The following SNX27 variants were observed in gnomAD, a reference collection of about 807,000 sequenced individuals.
SNX27 encodes the protein sorting nexin 27, also known as sorting nexin-27.
SNX27 carries 22 observed loss-of-function variants against 71.6 expected under a neutral mutation model. The observed-to-expected ratio is 0.31, with a 90% CI of 0.22 to 0.44. The LOEUF is 0.44. SNX27 is among the 20% of genes least tolerant of loss of function. SNX27 has a pLI of 1.00. For synonymous variants in SNX27, 269 were observed against 277.2 expected (o/e 0.97, Z 0.29); for missense variants, 531 against 698.6 (o/e 0.76, Z 2.70).
At chr1:151,648,368 A>G (rs1669156389) in intron 2 of SNX27, among the ~76,000 whole-genome samples, 1 of 149,420 alleles carries the variant, frequency 6.7e-6, no homozygotes, top group South Asian at 2.1e-4. Flanking sequence ...TAAAGAGATT[A>G]AACATGAGAA....
intron 11 of SNX27, chr1:151,694,138 C>T: frequency 7.7e-7 from 1 of 1,297,644 alleles, no homozygotes; most frequent in Non-Finnish European, 9.8e-7. Flanking sequence ...ATCAGCCTCC[C>T]TAGCTTTCAG....
chr1:151,641,845 AGATATATATATCAGCTATAGATATATAT>A (rs1241538213), intron 2 of SNX27, among the ~76,000 whole-genome samples: 2 of 140,276 alleles, frequency 1.4e-5, no homozygotes, highest in South Asian at 4.4e-4. Context: ...GATATATATG[AGATATATATATCAGCTATAGATATATAT>A]GATATATATA....
chr1:151,619,452 A>G (rs1667571942), intron 1 of SNX27, among the ~76,000 whole-genome samples: 2 of 152,184 alleles, frequency 1.3e-5, no homozygotes, highest in African/African-American at 4.8e-5. Flanking sequence ...GGCGTATGCC[A>G]CCATGCCCAG....
At chr1:151,641,461 G>A (rs1668714582) in intron 2 of SNX27, among the ~76,000 whole-genome samples, 1 of 151,376 alleles carries the variant, frequency 6.6e-6, no homozygotes, top group Admixed American at 6.6e-5. Flanking sequence ...GCTGCTTTTT[G>A]TGTGCTTAAT....
intron 6 of SNX27, chr1:151,666,263 T>A: frequency 6.4e-6 from 2 of 311,814 alleles, no homozygotes; most frequent in Non-Finnish European, 5.8e-6. Flanking sequence ...CTTTTAAATC[T>A]GAGGTTCAAA....
At chr1:151,631,991 G>A (rs1293253340) in intron 1 of SNX27, among the ~76,000 whole-genome samples, 1 of 152,130 alleles carries the variant, frequency 6.6e-6, no homozygotes, top group Non-Finnish European at 1.5e-5. Context: ...AATCTAACAA[G>A]TGAAATCTAG....
intron 7 of SNX27, chr1:151,676,296 TTTTTTTTTTTTTTTTTTTTTTTTTTTTG>T (rs1670698738): frequency 1.0e-4 from 4 of 38,184 alleles, no homozygotes; most frequent in African/African-American, 3.2e-4. Context: ...TTTTTTTTTT[TTTTTTTTTTTTTTTTTTTTTTTTTTTTG>T]AGACAGAGTC....
At position 151,698,150 on chromosome 1, in the gene SNX27, G is replaced by C. The variant is rs1381670429; in HGVS notation, c.*3733G>C. 6.6e-6 allele frequency: 1 copy of C among 152,532 alleles called. No homozygotes were observed. Among genetic ancestry groups the C allele is most frequent in the African/African-American group, 2.4e-5 (1 of 41,398 alleles). 9.4% of individuals were successfully genotyped at this position (152,532 alleles called of 1,614,324 possible). ...TAGATAAATATTCCAACATCCTCAT[G>C]CCTGGCCCATTTAGTTTCATCCTTT... On this transcript the variant is annotated 3_prime_UTR_variant, in exon 12 of 12. Transcript: ENST00000458013.
intron 1 of SNX27, among the ~76,000 whole-genome samples, chr1:151,620,016 T>C (rs1395046749): frequency 6.6e-6 from 1 of 152,160 alleles, no homozygotes; most frequent in African/African-American, 2.4e-5. Context: ...CATACAAGGC[T>C]TTTAAACTGG....
intron 2 of SNX27, among the ~76,000 whole-genome samples, chr1:151,651,491 GGTT>G (rs1199182815): frequency 4.0e-5 from 6 of 149,934 alleles, no homozygotes; most frequent in Non-Finnish European, 9.0e-5. Context: ...CAGACGAGGC[GGTT>G]GCCGGGCAGA....
intron 1 of SNX27, among the ~76,000 whole-genome samples, chr1:151,632,823 TA>T (rs1442424793): frequency 6.6e-6 from 1 of 152,052 alleles, no homozygotes; most frequent in Non-Finnish European, 1.5e-5. Flanking sequence ...ATTTCACACT[TA>T]CAGATGTGGA....
At chr1:151,672,065 A>G (rs1002310952) in intron 7 of SNX27, among the ~76,000 whole-genome samples, 1 of 152,148 alleles carries the variant, frequency 6.6e-6, no homozygotes, top group Non-Finnish European at 1.5e-5. Flanking sequence ...GAAAGTGGGC[A>G]TCCTTGTGTT....
intron 2 of SNX27, among the ~76,000 whole-genome samples, chr1:151,643,452 G>A (rs1668877026): frequency 6.7e-6 from 1 of 149,518 alleles, no homozygotes; most frequent in African/African-American, 2.5e-5. Flanking sequence ...ATAGCACTGC[G>A]TCCAGCTAAT....
chr1:151,618,009 C>T (rs1667505250), intron 1 of SNX27, among the ~76,000 whole-genome samples: 2 of 150,824 alleles, frequency 1.3e-5, no homozygotes, highest in South Asian at 4.2e-4. Flanking sequence ...GCATGCACTA[C>T]CACACCTGGC....
At chr1:151,688,663 C>T (rs1410226766) in intron 8 of SNX27, among the ~76,000 whole-genome samples, 1 of 150,504 alleles carries the variant, frequency 6.6e-6, no homozygotes, top group Non-Finnish European at 1.5e-5. Flanking sequence ...CCTGTTTTTA[C>T]GAATTTTTGA....
In SNX27 at chr1:151,696,456, C is replaced by A. The variant is rs1671710036; in HGVS notation, c.*2039C>A. ...TTTGTTTTTGCAAATCATTGTGAGGCCACTTTTTCTTTCTTTCTTTCTTTC... is the reference window on the plus strand; with the variant it reads ...TTTGTTTTTGCAAATCATTGTGAGGACACTTTTTCTTTCTTTCTTTCTTTC... On this transcript the variant is annotated 3_prime_UTR_variant, in exon 12 of 12. Coordinates refer to ENST00000458013, the MANE Select transcript of SNX27 (RefSeq NM_001330723.2). The A allele has an allele frequency of 8.0e-6, 1 of 125,732 alleles. No homozygotes were observed. Among genetic ancestry groups the A allele is most frequent in the African/African-American group, 2.9e-5 (1 of 33,916 alleles). 7.8% of individuals were successfully genotyped at this position (125,732 alleles called of 1,614,324 possible). A position where few individuals can be genotyped will look rare whatever the true frequency, so the allele number is the denominator to read the frequency against.
chr1:151,636,418 A>G (rs904594909), intron 1 of SNX27, among the ~76,000 whole-genome samples: 9 of 152,126 alleles, frequency 5.9e-5, no homozygotes, highest in Non-Finnish European at 1.2e-4. Context: ...TTCCCAGCTC[A>G]GCCTCCCAAG....
chr1:151,664,156 TTATA>T (rs1019573521), intron 5 of SNX27, among the ~76,000 whole-genome samples: 49 of 145,384 alleles, frequency 3.4e-4, no homozygotes, highest in African/African-American at 1.2e-3. Flanking sequence ...AATATATACT[TTATA>T]TATAATTATA....
chr1:151,650,005 A>C (rs1669251248), intron 2 of SNX27, among the ~76,000 whole-genome samples: 2 of 152,222 alleles, frequency 1.3e-5, no homozygotes, highest in Admixed American at 6.5e-5. Flanking sequence ...CTCCTGCCTC[A>C]GCCTCCCAAG....
Sources: gnomAD v4.1 joint callset for allele counts (sites outside exome capture counted in the v4.1 genomes callset) on GRCh38, gnomAD v4.1.1 for gene constraint, MANE v1.5 for transcripts, NCBI Gene and HGNC (gene_info 2026-07-23, HGNC 2026-07-21) for gene names.